The following QKI variants were observed in gnomAD, a reference collection of about 807,000 sequenced individuals.
QKI encodes KH domain-containing RNA-binding protein QKI.
In QKI, 10 loss-of-function variants were observed where a neutral mutation model predicts 39.0. The observed-to-expected ratio is 0.26, with a 90% CI of 0.16 to 0.43. The LOEUF (loss-of-function observed/expected upper bound fraction) is 0.43. Among genes scored for constraint, QKI ranks in the 20% least tolerant of loss-of-function variants. The probability of loss-of-function intolerance (pLI) is 1.00; values close to 1 mark genes in which losing one functional copy is unlikely to be tolerated. For synonymous variants in QKI, 204 were observed against 155.4 expected (o/e 1.31, Z -2.33); for missense variants, 218 against 428.0 (o/e 0.51, Z 4.33).
At chr6:163,438,060 G>A (rs1010434435) in intron 1 of QKI, among the ~76,000 whole-genome samples, 1 of 152,086 alleles carries the variant, frequency 6.6e-6, no homozygotes. Context: ...AAAATGAGTT[G>A]GGAAAATTAA....
intron 2 of QKI, among the ~76,000 whole-genome samples, chr6:163,456,061 C>T (rs895849677): frequency 1.3e-5 from 2 of 152,162 alleles, no homozygotes; most frequent in Non-Finnish European, 2.9e-5. Context: ...CATTGACCCT[C>T]TTTTGGCTTT....
chr6:163,419,320 A>G (rs1787799203), intron 1 of QKI, among the ~76,000 whole-genome samples: 1 of 151,120 alleles, frequency 6.6e-6, no homozygotes, highest in African/African-American at 2.4e-5. Context: ...TTTTTTCCTG[A>G]GAATTCATTT....
intron 1 of QKI, among the ~76,000 whole-genome samples, chr6:163,431,813 A>AAG (rs398003269): frequency 7.6e-6 from 1 of 131,912 alleles, no homozygotes; most frequent in African/African-American, 2.9e-5. Context: ...AAAAAAAAAA[A>AAG]CAAAAAACTG....
intron 1 of QKI, among the ~76,000 whole-genome samples, chr6:163,437,758 A>G (rs1789428305): frequency 6.6e-6 from 1 of 152,140 alleles, no homozygotes; most frequent in Non-Finnish European, 1.5e-5. Flanking sequence ...CGGTAATGCA[A>G]ATATACCTTC....
intron 2 of QKI, among the ~76,000 whole-genome samples, chr6:163,456,911 T>C (rs1790964269): frequency 6.6e-6 from 1 of 152,148 alleles, no homozygotes; most frequent in African/African-American, 2.4e-5. Flanking sequence ...TCCCAGACTT[T>C]ATCTTTAAAA....
Position 163,415,148 on chromosome 6 carries a change from G to T in QKI, c.-46G>T. 7.4e-7 allele frequency: 1 copy of T among 1,352,194 alleles called. No homozygotes were observed. Among genetic ancestry groups the T allele is most frequent in the Non-Finnish European group, 9.8e-7 (1 of 1,022,722 alleles). The allele number at this position is 1,352,194 out of a possible 1,614,324, so 83.8% of individuals were successfully genotyped here. ...CCCCCGCCCCTCCCTCCTCTCCGGCGGCGGCGGCGGCGGCGGCGGGCGGAG... is the reference window on the plus strand; with the variant it reads ...CCCCCGCCCCTCCCTCCTCTCCGGCTGCGGCGGCGGCGGCGGCGGGCGGAG... On this transcript the variant is annotated 5_prime_UTR_variant, in exon 1 of 8. Transcript: ENST00000361752.
intron 3 of QKI, among the ~76,000 whole-genome samples, chr6:163,515,248 T>C (rs987709807): frequency 1.3e-5 from 2 of 152,132 alleles, no homozygotes; most frequent in Admixed American, 1.3e-4. Flanking sequence ...TGGAGAAATA[T>C]GAACTCCCAC....
intron 4 of QKI, among the ~76,000 whole-genome samples, chr6:163,535,634 T>C (rs1040488389): frequency 5.9e-5 from 9 of 152,028 alleles, no homozygotes; most frequent in African/African-American, 2.2e-4. Flanking sequence ...CCTAATTTGC[T>C]ATTGGAAAAA....
At chr6:163,484,613 T>C (rs940896262) in intron 3 of QKI, among the ~76,000 whole-genome samples, 1 of 152,188 alleles carries the variant, frequency 6.6e-6, no homozygotes, top group African/African-American at 2.4e-5. Flanking sequence ...AGCCTGTCTT[T>C]GGAAGGTTTG....
At chr6:163,506,341 A>G (rs1779092810) in intron 3 of QKI, among the ~76,000 whole-genome samples, 1 of 152,176 alleles carries the variant, frequency 6.6e-6, no homozygotes, top group African/African-American at 2.4e-5. Flanking sequence ...TGGTTGTTAA[A>G]ATTATGATAA....
At chr6:163,534,640 TA>T (rs1781081731) in intron 3 of QKI, among the ~76,000 whole-genome samples, 1 of 152,194 alleles carries the variant, frequency 6.6e-6, no homozygotes, top group African/African-American at 2.4e-5. Flanking sequence ...CATGGTAATG[TA>T]AGGACAGTAT....
At chr6:163,568,556 T>G in intron 7 of QKI, 1 of 980,402 alleles carries the variant, frequency 1.0e-6, no homozygotes, top group South Asian at 4.7e-5. Flanking sequence ...ACTCATTGGG[T>G]CTAAGGGAGA....
At chr6:163,564,759 T>A in intron 6 of QKI, 4 of 1,613,362 alleles carry the variant, frequency 2.5e-6, no homozygotes, top group Non-Finnish European at 3.4e-6. Context: ...ACACGACCAG[T>A]CAATGTGGAA....
rs1481060895 is a variant in QKI, at chr6:163,571,721, A to AG, written c.*1011_*1012insG. On this transcript the variant is annotated 3_prime_UTR_variant, in exon 8 of 8. Coordinates refer to ENST00000361752, the MANE Select transcript of QKI (RefSeq NM_006775.3). Reference sequence around the variant, plus strand: ...GCATTTTATACTTTCAAGTGTTATAAAAAAAAAGAAAAAGAACAAAGAAAC... The same window carrying AG: ...GCATTTTATACTTTCAAGTGTTATAAGAAAAAAAGAAAAAGAACAAAGAAAC... 5 of 150,202 alleles carry AG rather than the reference A, an allele frequency of 3.3e-5. No homozygotes were observed. Among genetic ancestry groups the AG allele is most frequent in the Non-Finnish European group, 6.0e-5 (4 of 66,854 alleles). 9.3% of individuals were successfully genotyped at this position (150,202 alleles called of 1,614,324 possible). A position where few individuals can be genotyped will look rare whatever the true frequency, so the allele number is the denominator to read the frequency against.
chr6:163,464,715 A>G (rs1378265658), intron 2 of QKI, among the ~76,000 whole-genome samples: 1 of 152,192 alleles, frequency 6.6e-6, no homozygotes, highest in East Asian at 1.9e-4. Flanking sequence ...AACAAATAGA[A>G]GCCCAAGAGC....
intron 1 of QKI, among the ~76,000 whole-genome samples, chr6:163,451,574 G>C (rs1475842797): frequency 1.3e-5 from 2 of 152,182 alleles, no homozygotes; most frequent in Admixed American, 1.3e-4. Context: ...AAGATCTTTA[G>C]AGATGTCTAA....
intron 3 of QKI, among the ~76,000 whole-genome samples, chr6:163,533,748 A>G (rs1781024560): frequency 6.6e-6 from 1 of 152,190 alleles, no homozygotes. Context: ...CTCTTTGGAA[A>G]TACATAGATG....
chr6:163,553,819 T>G (rs1782415284), intron 4 of QKI, among the ~76,000 whole-genome samples: 1 of 152,168 alleles, frequency 6.6e-6, no homozygotes, highest in African/African-American at 2.4e-5. Flanking sequence ...TTTGTTAGTT[T>G]TATATAGTTT....
chr6:163,518,339 A>G (rs551863096), intron 3 of QKI, among the ~76,000 whole-genome samples: 8 of 152,170 alleles, frequency 5.3e-5, no homozygotes, highest in Admixed American at 2.6e-4. Context: ...GATACAATCA[A>G]TGCCTGCCCT....
Sources: gnomAD v4.1 joint callset for allele counts (sites outside exome capture counted in the v4.1 genomes callset) on GRCh38, gnomAD v4.1.1 for gene constraint, MANE v1.5 for transcripts, NCBI Gene and HGNC (gene_info 2026-07-23, HGNC 2026-07-21) for gene names.